Variants in ST3GAL6 observed in about 807,000 individuals in gnomAD.
ST3GAL6 encodes the protein type 2 lactosamine alpha-2,3-sialyltransferase.
Under a neutral mutation model 40.5 loss-of-function variants are expected in ST3GAL6, and 31 were observed. The ratio of observed to expected loss-of-function variants is 0.77; its 90% CI spans 0.58 to 1.03. The LOEUF (loss-of-function observed/expected upper bound fraction) is 1.03, where lower values mean the gene tolerates loss of function less well. ST3GAL6 is among the 50% of genes least tolerant of loss of function. ST3GAL6 has a pLI of 0.00. For synonymous variants in ST3GAL6, 129 were observed against 136.9 expected (o/e 0.94, Z 0.40); for missense variants, 357 against 393.2 (o/e 0.91, Z 0.78).
intron 1 of ST3GAL6, among the ~76,000 whole-genome samples, chr3:98,755,843 AT>A (rs1937379200): frequency 6.6e-6 from 1 of 151,668 alleles, no homozygotes; most frequent in African/African-American, 2.4e-5. Context: ...CCCACGGCAC[AT>A]TTTTAAACTA....
intron 9 of ST3GAL6, 130 bp from the exon 10 acceptor site, chr3:98,793,545 A>C (rs2107383219): frequency 1.8e-6 from 1 of 542,818 alleles, no homozygotes; most frequent in Non-Finnish European, 3.2e-6. Context: ...AAAAGTTAAA[A>C]GTACATGCAA....
chr3:98,732,370 A>G (rs1352602344), exon 1 of ST3GAL6: 5 of 152,870 alleles, frequency 3.3e-5, no homozygotes. Context: ...CAGCTTTCCA[A>G]ACAAACCAGG....
intron 1 of ST3GAL6, among the ~76,000 whole-genome samples, chr3:98,754,159 G>C (rs955786103): frequency 6.6e-6 from 1 of 152,200 alleles, no homozygotes; most frequent in Non-Finnish European, 1.5e-5. Context: ...TGTGGGTAAA[G>C]TAAATTCAAA....
Position 98,772,873 on chromosome 3 carries a change from TG to T in ST3GAL6, c.230del (p.Gly77ValfsTer11). The T allele has an allele frequency of 1.2e-6, 2 of 1,613,266 alleles. No homozygotes were observed. The highest frequency in any genetic ancestry group is 1.7e-6 in the Non-Finnish European group (2 of 1,179,350). ...ATTTTAGAAAGATTGCTTCCTTGTA[TG>T]GTAGCGATAAGTTTGATTTGCCCTA... ...ADFRKIASLY[G>X]SDKFDLPYGM... On this transcript the variant is annotated frameshift_variant, in exon 4 of 10. Coordinates refer to ENST00000483910, the MANE Select transcript of ST3GAL6 (RefSeq NM_001323368.2). LOFTEE classifies it high-confidence loss of function.
chr3:98,795,488 C>T lies in ST3GAL6; in HGVS notation c.*1727C>T, dbSNP rs1383654198. Reference sequence around the variant, plus strand: ...GAGGTGCAAAAGGAAGGTACCAGAACTGGAATCACATGTAATCAATCAGTG... The same window carrying T: ...GAGGTGCAAAAGGAAGGTACCAGAATTGGAATCACATGTAATCAATCAGTG... On this transcript the variant is annotated 3_prime_UTR_variant, in exon 10 of 10. Coordinates refer to ENST00000483910, the MANE Select transcript of ST3GAL6 (RefSeq NM_001323368.2). 2 of 152,204 alleles carry T rather than the reference C, an allele frequency of 1.3e-5. No homozygotes were observed. The highest frequency in any genetic ancestry group is 3.8e-4 in the East Asian group (2 of 5,196). 9.4% of individuals were successfully genotyped at this position (152,204 alleles called of 1,614,324 possible).
rs1342066934 is a variant in ST3GAL6, at chr3:98,773,153, T to C, written c.271+237T>C. On this transcript the variant is annotated intron_variant, in intron 4 of 9. Coordinates refer to ENST00000483910, the MANE Select transcript of ST3GAL6 (RefSeq NM_001323368.2). ...GATTTGTTGTTGTTGAGAAACTACT[T>C]TTTACATTTGCTCTGCCGCCATGTG... 4 of 263,922 alleles carry C rather than the reference T, an allele frequency of 1.5e-5. 1 individual carries two copies. The highest frequency in any genetic ancestry group is 2.8e-5 in the Non-Finnish European group (4 of 140,448). 16.3% of individuals were successfully genotyped at this position (263,922 alleles called of 1,614,324 possible). A position where few individuals can be genotyped will look rare whatever the true frequency, so the allele number is the denominator to read the frequency against.
chr3:98,789,386 C>G (rs1264709915), intron 8 of ST3GAL6, among the ~76,000 whole-genome samples: 1 of 152,174 alleles, frequency 6.6e-6, no homozygotes, highest in Non-Finnish European at 1.5e-5. Context: ...ACCTCTCAAG[C>G]TTTTCTACCT....
chr3:98,791,810 T>C, intron 8 of ST3GAL6, 31 bp from the exon 9 acceptor site: 1 of 1,590,554 alleles, frequency 6.3e-7, no homozygotes, highest in Non-Finnish European at 8.6e-7. Context: ...CTCCTTTTGC[T>C]TAAAAAAGTT....
chr3:98,758,438 T>C (rs1237946398), upstream of ST3GAL6, among the ~76,000 whole-genome samples: 2 of 152,224 alleles, frequency 1.3e-5, no homozygotes, highest in African/African-American at 2.4e-5. Flanking sequence ...TGTTTACAAA[T>C]CTGAGTTTTT....
chr3:98,770,840 C>G (rs368982899), intron 2 of ST3GAL6, 39 bp from the exon 3 acceptor site: 5 of 1,589,418 alleles, frequency 3.1e-6, no homozygotes, highest in Non-Finnish European at 4.3e-6. Context: ...GCAGGGTGCC[C>G]GATTCTGGTT....
chr3:98,781,577 TG>T (rs1404190909), intron 5 of ST3GAL6, among the ~76,000 whole-genome samples: 10 of 151,838 alleles, frequency 6.6e-5, no homozygotes, highest in Non-Finnish European at 4.4e-5. Flanking sequence ...GGGGCTCTGG[TG>T]GTATGCTGGT....
chr3:98,752,977 A>G (rs1020065703), intron 1 of ST3GAL6, among the ~76,000 whole-genome samples: 1 of 152,164 alleles, frequency 6.6e-6, no homozygotes, highest in African/African-American at 2.4e-5. Context: ...TAATCCTCCA[A>G]TAGCCTCTAA....
intron 1 of ST3GAL6, 72 bp from the exon 2 acceptor site, chr3:98,768,358 T>G: frequency 9.3e-7 from 1 of 1,071,478 alleles, no homozygotes; most frequent in Non-Finnish European, 1.4e-6. Context: ...AATGCTTATA[T>G]TTGAGCCATT....
In ST3GAL6 at chr3:98,785,049, A is replaced by ATTTTCTATT. The variant is rs1259900800; in HGVS notation, c.431+11_431+19dup. The ATTTTCTATT allele has an allele frequency of 2.6e-6, 4 of 1,548,726 alleles. No individual in the cohort carries two copies. The highest frequency in any genetic ancestry group is 3.6e-6 in the Non-Finnish European group (4 of 1,121,826). On this transcript the variant is annotated intron_variant, in intron 6 of 9. Coordinates refer to ENST00000483910, the MANE Select transcript of ST3GAL6 (RefSeq NM_001323368.2). Reference sequence around the variant, plus strand: ...TATGATGTAATAATAAGGTAAATATATTTTCTATTTGCTACCCTAGAATTG... The same window carrying ATTTTCTATT: ...TATGATGTAATAATAAGGTAAATATATTTTCTATTTTTTCTATTTGCTACCCTAGAATTG...
At chr3:98,781,135 A>G (rs930900921) in intron 5 of ST3GAL6, among the ~76,000 whole-genome samples, 2 of 152,222 alleles carry the variant, frequency 1.3e-5, no homozygotes, top group African/African-American at 4.8e-5. Flanking sequence ...ACACCATGGA[A>G]TACTATGCAG....
At chr3:98,754,746 TTAG>T (rs1301452357) in intron 1 of ST3GAL6, among the ~76,000 whole-genome samples, 1 of 152,234 alleles carries the variant, frequency 6.6e-6, no homozygotes, top group Non-Finnish European at 1.5e-5. Context: ...GCCTGATAAG[TTAG>T]TAGCCATAAG....
intron 1 of ST3GAL6, among the ~76,000 whole-genome samples, chr3:98,739,897 C>T (rs1935916680): frequency 6.6e-6 from 1 of 152,068 alleles, no homozygotes; most frequent in Non-Finnish European, 1.5e-5. Context: ...TTTAGAACAG[C>T]AATTAAATGT....
intron 5 of ST3GAL6, chr3:98,783,624 C>G (rs1576120877): frequency 1.0e-6 from 1 of 985,148 alleles, no homozygotes; most frequent in Non-Finnish European, 1.2e-6. Context: ...ACAGACCCTT[C>G]TGGAACCTAC....
rs775742532 is a variant in ST3GAL6 at position 98,770,891 on chromosome 3, G to T, written c.102G>T (p.Val34=). 1 of 1,614,034 alleles carries T rather than the reference G, an allele frequency of 6.2e-7. No individual in the cohort carries two copies. The highest frequency in any genetic ancestry group is 1.1e-5 in the South Asian group (1 of 91,072). Residue 34 remains valine, a synonymous_variant, in exon 3 of 10, where the codon GTG becomes GTT. Coordinates refer to ENST00000483910, the MANE Select transcript of ST3GAL6 (RefSeq NM_001323368.2). ...TTTTGTCTCATAGGGTGGCACCTGT[G>T]GAAATGAAACGGAGAAATAAGATCC... is the stretch of plus-strand genomic sequence containing the variant. ...WGTNVYWVAP[V]EMKRRNKIQP...
Sources: gnomAD v4.1 joint callset for allele counts (sites outside exome capture counted in the v4.1 genomes callset) on GRCh38, gnomAD v4.1.1 for gene constraint, MANE v1.5 for transcripts, NCBI Gene and HGNC (gene_info 2026-07-23, HGNC 2026-07-21) for gene names.